Variants in SESTD1 observed in about 807,000 individuals in gnomAD.
SESTD1 encodes SEC14 domain and spectrin repeat-containing protein 1.
Under a neutral mutation model 101.7 loss-of-function variants are expected in SESTD1, and 43 were observed. The ratio of observed to expected loss-of-function variants is 0.42; its 90% CI spans 0.33 to 0.55. The LOEUF is 0.55. Ranked by LOEUF, SESTD1 falls within the 20% of genes least tolerant of loss-of-function variation. The pLI is 0.07. For missense variants in SESTD1, 647 were observed against 815.1 expected (o/e 0.79, Z 2.51); for synonymous variants, 283 against 286.8 (o/e 0.99, Z 0.13).
intron 1 of SESTD1, among the ~76,000 whole-genome samples, chr2:179,263,551 A>G (rs2047512239): frequency 6.6e-6 from 1 of 152,146 alleles, no homozygotes; most frequent in Admixed American, 6.5e-5. Flanking sequence ...TGCTTGACAC[A>G]AGCAAAACGT....
chr2:179,173,709 G>A (rs1198275766), intron 4 of SESTD1, among the ~76,000 whole-genome samples: 1 of 152,116 alleles, frequency 6.6e-6, no homozygotes, highest in Admixed American at 6.6e-5. Flanking sequence ...CTTTCCGAAA[G>A]GTCCAGATAA....
At chr2:179,208,073 G>A (rs1230855395) in intron 1 of SESTD1, among the ~76,000 whole-genome samples, 1 of 134,262 alleles carries the variant, frequency 7.4e-6, no homozygotes, top group Non-Finnish European at 1.6e-5. Context: ...TTAGAGAAAT[G>A]CAAAATACAC....
intron 5 of SESTD1, among the ~76,000 whole-genome samples, chr2:179,152,780 TA>T (rs1343995591): frequency 6.6e-6 from 1 of 152,072 alleles, no homozygotes; most frequent in Non-Finnish European, 1.5e-5. Context: ...AACAATACAT[TA>T]AATGGAAATT....
intron 5 of SESTD1, among the ~76,000 whole-genome samples, chr2:179,163,940 T>C (rs998636343): frequency 6.6e-6 from 1 of 152,188 alleles, no homozygotes; most frequent in Admixed American, 6.5e-5. Context: ...ACTTATCCTT[T>C]CCTAGTAAAA....
chr2:179,124,197 C>T (rs1474865296), intron 11 of SESTD1, among the ~76,000 whole-genome samples, 167 bp downstream of exon 11: 4 of 151,982 alleles, frequency 2.6e-5, no homozygotes, highest in Admixed American at 2.6e-4. Context: ...TTAAAAAATA[C>T]TTGTTTTTAA....
chr2:179,140,743 T>C (rs1444068661), intron 9 of SESTD1, among the ~76,000 whole-genome samples: 1 of 152,192 alleles, frequency 6.6e-6, no homozygotes, highest in Non-Finnish European at 1.5e-5. Flanking sequence ...CTCTTGGCCT[T>C]GCCACTCCAT....
At chr2:179,262,215 T>TA (rs1304065044) in intron 1 of SESTD1, among the ~76,000 whole-genome samples, 1 of 152,142 alleles carries the variant, frequency 6.6e-6, no homozygotes, top group Admixed American at 6.5e-5. Flanking sequence ...GAAGGGGGAA[T>TA]AGTAACAAAA....
Position 179,124,566 on chromosome 2 carries a change from C to A in SESTD1, c.973-8G>T. The A allele has an allele frequency of 6.2e-7, 1 of 1,605,724 alleles. No individual in the cohort carries two copies. Among genetic ancestry groups the A allele is most frequent in the South Asian group, 1.1e-5 (1 of 90,306 alleles). On this transcript the variant is annotated splice_polypyrimidine_tract_variant and splice_region_variant and intron_variant, in intron 10 of 17. Coordinates refer to ENST00000428443, the MANE Select transcript of SESTD1 (RefSeq NM_178123.5). The stretch of plus-strand genomic sequence containing the variant: ...ATACACTGCAAACCATTCCTGTAAT[C>A]AAGATGTTACAAAGTAAACTAAGGC...
intron 11 of SESTD1, 99 bp downstream of exon 11, chr2:179,124,265 G>T: frequency 8.7e-7 from 1 of 1,154,760 alleles, no homozygotes. Flanking sequence ...TATTGGTTCA[G>T]AAAAATAATT....
At chr2:179,147,819 A>T (rs1052601817) in intron 7 of SESTD1, among the ~76,000 whole-genome samples, 5 of 152,194 alleles carry the variant, frequency 3.3e-5, no homozygotes, top group African/African-American at 1.2e-4. Context: ...ATAGTCACCA[A>T]CATGGGATGT....
chr2:179,235,646 A>G (rs1361343381), intron 1 of SESTD1, among the ~76,000 whole-genome samples: 2 of 152,126 alleles, frequency 1.3e-5, no homozygotes, highest in African/African-American at 4.8e-5. Context: ...TATTGCCTCA[A>G]TTACCATATT....
intron 11 of SESTD1, 24 bp downstream of exon 11, chr2:179,124,340 A>G (rs1412911992): frequency 6.3e-7 from 1 of 1,588,274 alleles, no homozygotes; most frequent in Non-Finnish European, 8.6e-7. Flanking sequence ...TGAAGAAAAG[A>G]AAAGAATCAG....
chr2:179,164,611 C>A (rs948525667), intron 5 of SESTD1, among the ~76,000 whole-genome samples: 32 of 152,034 alleles, frequency 2.1e-4, no homozygotes, highest in African/African-American at 7.5e-4. Context: ...GGAAAATGAA[C>A]AGGTAGGTAT....
intron 16 of SESTD1, among the ~76,000 whole-genome samples, chr2:179,113,735 G>A (rs1391892231): frequency 1.3e-5 from 2 of 152,044 alleles, no homozygotes; most frequent in Non-Finnish European, 2.9e-5. Flanking sequence ...ATACAGTCAA[G>A]AGGAAAGTAA....
chr2:179,233,442 GT>G (rs970264477), intron 1 of SESTD1, among the ~76,000 whole-genome samples: 3 of 151,188 alleles, frequency 2.0e-5, no homozygotes, highest in African/African-American at 4.8e-5. Context: ...TGTCTTCATA[GT>G]TTTTTTTTGC....
chr2:179,105,180 T>G lies in SESTD1; in HGVS notation c.*4719A>C, dbSNP rs3731740. ...TGGTCTTTTCATGCTTTGTTCTGTT[T>G]TTTTTTTTTTTTTAACCTCATTATT... On this transcript the variant is annotated 3_prime_UTR_variant, in exon 18 of 18. Transcript: ENST00000428443. The G allele has an allele frequency of 2.2e-5, 3 of 136,740 alleles. No individual in the cohort carries two copies. The highest frequency in any genetic ancestry group is 4.6e-4 in the South Asian group (2 of 4,344). 8.5% of individuals were successfully genotyped at this position (136,740 alleles called of 1,614,324 possible). A position where few individuals can be genotyped will look rare whatever the true frequency, so the allele number is the denominator to read the frequency against.
Position 179,115,093 on chromosome 2 carries a change from G to A in SESTD1, c.1811C>T (p.Ala604Val), listed in dbSNP as rs2044598919. Reference protein sequence around the residue: ...SEERVHRLEMAIAFHSNAEKI... With the variant: ...SEERVHRLEMVIAFHSNAEKI... ...TTCAGCATTTGAGTGAAATGCAATA[G>A]CCATTTCCAATCTATGTACTCTCTC... is the stretch of plus-strand genomic sequence containing the variant. The change falls in exon 16 of 18, where the codon GCT becomes GTT. Residue 604 changes from alanine to valine, a missense_variant. By Grantham distance (64) the Ala-to-Val change is moderately conservative. Around this residue, in one of 3 missense-constraint regions of SESTD1, gnomAD observed 476 missense variants for 562.6 expected, o/e 0.85. Coordinates refer to ENST00000428443, the MANE Select transcript of SESTD1 (RefSeq NM_178123.5). 1 of 1,609,946 alleles carries A rather than the reference G, an allele frequency of 6.2e-7. No homozygotes were observed. The highest frequency in any genetic ancestry group is 1.1e-5 in the South Asian group (1 of 89,708).
At chr2:179,177,835 A>G (rs1425394437) in intron 3 of SESTD1, among the ~76,000 whole-genome samples, 2 of 152,254 alleles carry the variant, frequency 1.3e-5, no homozygotes, top group African/African-American at 4.8e-5. Flanking sequence ...AAAACACAGT[A>G]TAACCAAACA....
Position 179,148,091 on chromosome 2 carries a change from G to A in SESTD1, c.581+1206C>T, listed in dbSNP as rs570148920. On this transcript the variant is annotated intron_variant, in intron 7 of 17. Transcript: ENST00000428443. The stretch of plus-strand genomic sequence containing the variant: ...CTTTAATCAGATTTACATTCAAACC[G>A]TTTGTTTTCACAGTTTGACTTTGTT... Among the ~76,000 whole-genome samples the A allele has an allele frequency of 9.9e-5, 15 of 152,182 alleles. No individual in the cohort carries two copies. In the East Asian group the frequency reaches 1.5e-3, roughly 16 times the overall value.
Sources: allele counts gnomAD v4.1 joint callset (sites outside exome capture counted in the v4.1 genomes callset), GRCh38; gene constraint gnomAD v4.1.1; regional missense constraint gnomAD v4.1.1; transcripts MANE v1.5; gene names NCBI Gene and HGNC (gene_info 2026-07-23, HGNC 2026-07-21).